ROBO2: variants seen among roughly 807,000 people sequenced by gnomAD.
ROBO2 encodes roundabout guidance receptor 2.
Under a neutral mutation model 160.8 loss-of-function variants are expected in ROBO2, and 53 were observed. That is an observed-to-expected ratio of 0.33 (90% CI 0.26 to 0.41). ROBO2 has a LOEUF of 0.41. ROBO2 is among the 10% of genes least tolerant of loss of function. The pLI is 1.00. For synonymous variants in ROBO2, 664 were observed against 611.7 expected, an observed-to-expected ratio of 1.09 and a Z score of -1.26; for missense variants, 1,577 against 1,722.4, an observed-to-expected ratio of 0.92 and a Z score of 1.49.
intron 2 of ROBO2, among the ~76,000 whole-genome samples, chr3:76,662,142 T>G (rs1009459686): frequency 6.6e-6 from 1 of 152,098 alleles, no homozygotes; most frequent in Non-Finnish European, 1.5e-5. Flanking sequence ...AGTTTTTAAG[T>G]TAACTTTGGA....
chr3:77,279,048 C>T (rs1333556687), intron 2 of ROBO2, among the ~76,000 whole-genome samples: 1 of 151,996 alleles, frequency 6.6e-6, no homozygotes, highest in Admixed American at 6.6e-5. Context: ...GATTCTAGAC[C>T]TCGATATTTT....
At chr3:76,273,406 A>G (rs1338672254) in intron 2 of ROBO2, among the ~76,000 whole-genome samples, 1 of 151,842 alleles carries the variant, frequency 6.6e-6, no homozygotes, top group Non-Finnish European at 1.5e-5. Flanking sequence ...AATAACACGG[A>G]GTGGGTGTAT....
At chr3:76,524,546 G>A (rs964001636) in intron 2 of ROBO2, among the ~76,000 whole-genome samples, 1 of 151,644 alleles carries the variant, frequency 6.6e-6, no homozygotes, top group Non-Finnish European at 1.5e-5. Context: ...TAATACCTAT[G>A]ATTTAGAGAT....
chr3:76,252,747 A>C (rs1313092964), intron 2 of ROBO2, among the ~76,000 whole-genome samples: 8 of 102,516 alleles, frequency 7.8e-5, no homozygotes, highest in Non-Finnish European at 1.4e-4. Context: ...TATAAAACGC[A>C]TGTATATGTA....
intron 2 of ROBO2, among the ~76,000 whole-genome samples, chr3:76,551,045 G>A (rs1172913099): frequency 6.6e-6 from 1 of 152,010 alleles, no homozygotes; most frequent in Non-Finnish European, 1.5e-5. Flanking sequence ...TCTCGGGGGC[G>A]AGCTGCCAGC....
intron 2 of ROBO2, among the ~76,000 whole-genome samples, chr3:76,088,547 G>A (rs549853697): frequency 1.6e-4 from 24 of 152,070 alleles, no homozygotes; most frequent in African/African-American, 5.1e-4. Flanking sequence ...ATTACACTAG[G>A]TCGATAACAG....
At chr3:76,182,235 A>G (rs1374576010) in intron 2 of ROBO2, among the ~76,000 whole-genome samples, 4 of 152,086 alleles carry the variant, frequency 2.6e-5, no homozygotes, top group African/African-American at 4.8e-5. Context: ...TGTTTGTGCA[A>G]TTGTTTGTTT....
At position 76,546,932 on chromosome 3, in the gene ROBO2, C is replaced by T. The variant is rs187788141; in HGVS notation, c.110-551082C>T. 6.1e-4 allele frequency among the ~76,000 whole-genome samples: 93 copies of T among 151,988 alleles called. 1 individual carries two copies. Among genetic ancestry groups the T allele is most frequent in the Non-Finnish European group, 2.2e-4 (15 of 67,824 alleles). ...AACCTCAAGAGCTTGTCCTTTGGGC[C>T]AAGCAATGCTTAGATTCACAGTTTT... On this transcript the variant is annotated intron_variant, in intron 2 of 26. Transcript: ENST00000487694.
chr3:75,955,524 A>G (rs1948689838), intron 2 of ROBO2, among the ~76,000 whole-genome samples: 1 of 151,614 alleles, frequency 6.6e-6, no homozygotes, highest in Admixed American at 6.6e-5. Context: ...TAGGAGATAT[A>G]CCTAATGTAA....
intron 2 of ROBO2, among the ~76,000 whole-genome samples, chr3:76,302,107 G>A (rs1431288593): frequency 6.6e-6 from 1 of 151,916 alleles, no homozygotes; most frequent in Non-Finnish European, 1.5e-5. Flanking sequence ...TCCACTTTTT[G>A]TCTGTGATAC....
chr3:76,145,572 C>T (rs2071853263), intron 2 of ROBO2, among the ~76,000 whole-genome samples: 1 of 151,772 alleles, frequency 6.6e-6, no homozygotes, highest in Non-Finnish European at 1.5e-5. Flanking sequence ...ACTATTATAC[C>T]ATAACATTTT....
At chr3:76,354,680 A>G (rs1202839194) in intron 2 of ROBO2, among the ~76,000 whole-genome samples, 1 of 151,864 alleles carries the variant, frequency 6.6e-6, no homozygotes, top group Admixed American at 6.6e-5. Context: ...TCACTGTCAC[A>G]CATTCTAGGC....
chr3:77,108,284 AT>A (rs2073111590), intron 2 of ROBO2, among the ~76,000 whole-genome samples: 1 of 126,548 alleles, frequency 7.9e-6, no homozygotes, highest in Admixed American at 8.0e-5. Flanking sequence ...ATATATATAT[AT>A]GTATACACAT....
At chr3:76,810,894 T>A (rs1308287772) in intron 2 of ROBO2, among the ~76,000 whole-genome samples, 1 of 152,174 alleles carries the variant, frequency 6.6e-6, no homozygotes, top group Non-Finnish European at 1.5e-5. Context: ...AAGACTAAAC[T>A]ATTTAGTGAC....
chr3:76,113,032 C>T (rs1016886065), intron 2 of ROBO2, among the ~76,000 whole-genome samples: 2 of 151,970 alleles, frequency 1.3e-5, no homozygotes, highest in Non-Finnish European at 2.9e-5. Context: ...CTTTTATTAA[C>T]CACTAGTGGA....
At chr3:75,985,318 A>T (rs1261072507) in intron 2 of ROBO2, among the ~76,000 whole-genome samples, 1 of 151,544 alleles carries the variant, frequency 6.6e-6, no homozygotes, top group Non-Finnish European at 1.5e-5. Flanking sequence ...TATTATCTTA[A>T]TTATTTTAAA....
At chr3:76,894,440 T>C (rs116081721) in intron 2 of ROBO2, among the ~76,000 whole-genome samples, 2,278 of 152,274 alleles carry the variant, frequency 0.015, 22 homozygotes, top group South Asian at 0.034. Context: ...AAGAACGACA[T>C]TGTGTTGATA....
chr3:77,438,798 T>C (rs1223817706), intron 2 of ROBO2, among the ~76,000 whole-genome samples: 1 of 152,076 alleles, frequency 6.6e-6, no homozygotes, highest in Non-Finnish European at 1.5e-5. Context: ...TAAACTGTAC[T>C]TTTAAAGTAT....
intron 2 of ROBO2, among the ~76,000 whole-genome samples, chr3:77,389,313 C>T (rs2074461801): frequency 6.6e-6 from 1 of 152,106 alleles, no homozygotes; most frequent in Non-Finnish European, 1.5e-5. Flanking sequence ...CACTTGCTGA[C>T]TGTGCCTATG....
Sources: gnomAD v4.1 joint callset for allele counts (sites outside exome capture counted in the v4.1 genomes callset) on GRCh38, gnomAD v4.1.1 for gene constraint, MANE v1.5 for transcripts, NCBI Gene and HGNC (gene_info 2026-07-23, HGNC 2026-07-21) for gene names.